The following FREM2 variants were observed in gnomAD, a reference collection of about 807,000 sequenced individuals.
The protein encoded by FREM2 is FRAS1-related extracellular matrix protein 2.
In FREM2, 119 loss-of-function variants were observed where a neutral mutation model predicts 219.9. That is an observed-to-expected ratio of 0.54 (90% confidence interval 0.47 to 0.63). The LOEUF (loss-of-function observed/expected upper bound fraction) is 0.63. FREM2 is among the 30% of genes least tolerant of loss of function. The pLI is 0.00. For missense variants in FREM2, 4,030 were observed against 3,993.6 expected (o/e 1.01, Z -0.25); for synonymous variants, 1,562 against 1,522.8 (o/e 1.03, Z -0.60).
At chr13:38,695,572 G>C (rs1397088391) in intron 1 of FREM2, among the ~76,000 whole-genome samples, 2 of 152,186 alleles carry the variant, frequency 1.3e-5, no homozygotes, top group Non-Finnish European at 2.9e-5. Flanking sequence ...TCCTAGTAGA[G>C]CCTTTAGATT....
At chr13:38,860,244 C>T (rs927971147) in intron 14 of FREM2, among the ~76,000 whole-genome samples, 4 of 151,906 alleles carry the variant, frequency 2.6e-5, no homozygotes, top group Admixed American at 6.6e-5. Context: ...TAGAGGGGTA[C>T]GTGCAAATTA....
At chr13:38,778,838 T>C (rs1042544088) in intron 4 of FREM2, among the ~76,000 whole-genome samples, 1 of 152,104 alleles carries the variant, frequency 6.6e-6, no homozygotes, top group African/African-American at 2.4e-5. Flanking sequence ...TTCTGTAATA[T>C]TTCATACTAA....
intron 6 of FREM2, among the ~76,000 whole-genome samples, chr13:38,839,090 G>A (rs565852194): frequency 5.5e-4 from 83 of 152,226 alleles, no homozygotes; most frequent in African/African-American, 1.8e-3. Flanking sequence ...CCTCATCTTC[G>A]TGGATTTATC....
chr13:38,872,677 G>T (rs879044161), intron 16 of FREM2, 65 bp from the exon 17 acceptor site: 26 of 1,378,960 alleles, frequency 1.9e-5, no homozygotes, highest in East Asian at 1.1e-4. Context: ...AAAATGGCTT[G>T]TACAAAATTA....
At chr13:38,696,417 T>C (rs1406957485) in intron 1 of FREM2, among the ~76,000 whole-genome samples, 2 of 152,174 alleles carry the variant, frequency 1.3e-5, no homozygotes. Context: ...ATTGTCTTCT[T>C]TATAAGCCTT....
rs1194890564 is a variant in FREM2 at position 38,688,740 on chromosome 13, C to A, written c.1396C>A (p.Gln466Lys). ...CACAGGCCCTGCAGGCAGTGGTCCGCAAAACTTGGTCATCAGCGATGAGGA... is the reference window on the plus strand; with the variant it reads ...CACAGGCCCTGCAGGCAGTGGTCCGAAAAACTTGGTCATCAGCGATGAGGA... ...PLTGPAGSGP[Q>K]NLVISDEDDL... Residue 466 changes from glutamine to lysine, a missense_variant, in exon 1 of 24, where the codon CAA becomes AAA. By Grantham distance (53) the Gln-to-Lys change is moderately conservative. Around this residue, in one of 2 missense-constraint regions of FREM2, gnomAD observed 3,102 missense variants for 2,950.7 expected, o/e 1.05. Coordinates refer to ENST00000280481, the MANE Select transcript of FREM2 (RefSeq NM_207361.6). 20 of 1,613,900 alleles carry A rather than the reference C, an allele frequency of 1.2e-5. No homozygotes were observed. Among genetic ancestry groups the A allele is most frequent in the Non-Finnish European group, 1.7e-5 (20 of 1,179,942 alleles).
intron 2 of FREM2, among the ~76,000 whole-genome samples, chr13:38,724,155 T>C (rs775189215): frequency 4.6e-5 from 7 of 152,166 alleles, no homozygotes; most frequent in Admixed American, 3.3e-4. Context: ...TTCTTGCATC[T>C]AAAACTAGTT....
In FREM2 at chr13:38,877,863, C is replaced by T. The variant is rs139564562; in HGVS notation, c.8672-271C>T. 7.8e-3 allele frequency among the ~76,000 whole-genome samples: 1,183 copies of T among 152,240 alleles called. 8 individuals carry two copies. Among genetic ancestry groups the T allele is most frequent in the South Asian group, 0.045 (216 of 4,826 alleles). ...GATATTATTAATGCCAAATTATAGG[C>T]CAGATCTTTGAAATTATTCACACTA... On this transcript the variant is annotated intron_variant, in intron 21 of 23. Transcript: ENST00000280481.
chr13:38,783,570 A>G (rs1358962256), intron 5 of FREM2, among the ~76,000 whole-genome samples: 4 of 152,010 alleles, frequency 2.6e-5, no homozygotes, highest in African/African-American at 9.7e-5. Context: ...AGAAATATCA[A>G]AATGTTTGTT....
chr13:38,848,448 G>A lies in FREM2; in HGVS notation c.6170-13G>A, dbSNP rs760807429. 6 of 1,595,594 alleles carry A rather than the reference G, an allele frequency of 3.8e-6. No individual in the cohort carries two copies. Among genetic ancestry groups the A allele is most frequent in the Non-Finnish European group, 4.3e-6 (5 of 1,163,660 alleles). The stretch of plus-strand genomic sequence containing the variant: ...TTAGTCCCCAACTGAATATTTTTTT[G>A]TTACTGTCATAGCTGGAACAGACTA... On this transcript the variant is annotated splice_polypyrimidine_tract_variant and intron_variant, in intron 7 of 23. Coordinates refer to ENST00000280481, the MANE Select transcript of FREM2 (RefSeq NM_207361.6).
rs1878511970 is a variant in FREM2, at chr13:38,880,667, T to G, written c.9390T>G (p.Ile3130Met). The change falls in exon 24 of 24, where the codon ATT becomes ATG. Residue 3130 changes from isoleucine (I) to methionine (M), a missense_variant. This residue lies in a region of FREM2 where 928 missense variants were observed against 1,042.9 expected (regional missense o/e 0.89). Coordinates refer to ENST00000280481, the MANE Select transcript of FREM2 (RefSeq NM_207361.6). Reference sequence around the variant, plus strand: ...TACTCACCATCTGCCTCACTGTCATTGCAGTGCTGATGTGCAGGGGCAAGG... The same window carrying G: ...TACTCACCATCTGCCTCACTGTCATGGCAGTGCTGATGTGCAGGGGCAAGG... ...VGLLTICLTV[I>M]AVLMCRGKES... The G allele has an allele frequency of 6.2e-7, 1 of 1,613,966 alleles. No individual in the cohort carries two copies. Among genetic ancestry groups the G allele is most frequent in the Non-Finnish European group, 8.5e-7 (1 of 1,180,018 alleles).
intron 2 of FREM2, among the ~76,000 whole-genome samples, chr13:38,705,700 G>C (rs755934226): frequency 6.6e-6 from 1 of 152,116 alleles, no homozygotes; most frequent in African/African-American, 2.4e-5. Context: ...CATTCATGCG[G>C]CACAGTTCCT....
intron 6 of FREM2, among the ~76,000 whole-genome samples, chr13:38,841,324 G>A (rs866129505): frequency 7.2e-5 from 11 of 152,124 alleles, no homozygotes; most frequent in Admixed American, 5.9e-4. Context: ...GGCCTGTGTG[G>A]AGGCAAGGGG....
intron 6 of FREM2, among the ~76,000 whole-genome samples, chr13:38,788,327 G>C (rs1874413987): frequency 6.6e-6 from 1 of 152,144 alleles, no homozygotes; most frequent in South Asian, 2.1e-4. Flanking sequence ...CAGTTATCCA[G>C]TTTAGTATTC....
chr13:38,773,112 A>G (rs1159032952), intron 4 of FREM2, among the ~76,000 whole-genome samples: 1 of 152,202 alleles, frequency 6.6e-6, no homozygotes, highest in African/African-American at 2.4e-5. Context: ...TAGTTGTTAT[A>G]TAGGTGAAGA....
chr13:38,715,995 C>T (rs1870983493), intron 2 of FREM2, among the ~76,000 whole-genome samples: 1 of 152,014 alleles, frequency 6.6e-6, no homozygotes, highest in African/African-American at 2.4e-5. Context: ...TCCAAAGTTA[C>T]CTAGTAAATG....
chr13:38,689,381 C>T lies in FREM2; in HGVS notation c.2037C>T (p.Asp679=), dbSNP rs1311519862. Residue 679 remains aspartate (D), a synonymous_variant, in exon 1 of 24, where the codon GAC becomes GAT. Transcript: ENST00000280481. Reference sequence around the variant, plus strand: ...CATTTAGAGTCCAGGATAACCATGACCCTCCTAATCAGTCCGGGCTACAGC... The same window carrying T: ...CATTTAGAGTCCAGGATAACCATGATCCTCCTAATCAGTCCGGGCTACAGC... ...QFTFRVQDNH[D]PPNQSGLQRF... 1 of 1,614,096 alleles carries T rather than the reference C, an allele frequency of 6.2e-7. No individual in the cohort carries two copies. The highest frequency in any genetic ancestry group is 2.2e-5 in the East Asian group (1 of 44,876).
chr13:38,866,257 G>A (rs913033376), intron 16 of FREM2, among the ~76,000 whole-genome samples: 1 of 152,130 alleles, frequency 6.6e-6, no homozygotes, highest in Non-Finnish European at 1.5e-5. Flanking sequence ...CACTTTGGGA[G>A]GCCGAGGCGG....
intron 2 of FREM2, among the ~76,000 whole-genome samples, chr13:38,720,365 T>C (rs562617104): frequency 1.3e-5 from 2 of 152,304 alleles, no homozygotes; most frequent in African/African-American, 4.8e-5. Context: ...CCAGTTCAAT[T>C]TGACACATTT....
Sources: allele counts gnomAD v4.1 joint callset (sites outside exome capture counted in the v4.1 genomes callset), GRCh38; gene constraint gnomAD v4.1.1; regional missense constraint gnomAD v4.1.1; transcripts MANE v1.5; gene names NCBI Gene and HGNC (gene_info 2026-07-23, HGNC 2026-07-21).